ODAD3: variants seen among roughly 807,000 people sequenced by gnomAD.
ODAD3 encodes outer dynein arm-docking complex subunit 3.
A neutral mutation model predicts 70.9 loss-of-function variants in ODAD3; 57 were observed. That is an observed-to-expected ratio of 0.80 (90% CI 0.65 to 1.00). The LOEUF (loss-of-function observed/expected upper bound fraction) is 1.00. Among genes scored for constraint, ODAD3 ranks in the 50% least tolerant of loss-of-function variants. ODAD3 has a pLI of 0.00. For synonymous variants in ODAD3, 327 were observed against 315.9 expected (o/e 1.04, Z -0.37); for missense variants, 797 against 763.9 (o/e 1.04, Z -0.51).
Position 11,423,929 on chromosome 19 carries a change from A to G in ODAD3, c.1064T>C (p.Met355Thr), listed in dbSNP as rs769084446. Residue 355 changes from methionine to threonine, a missense_variant, in exon 8 of 13, where the codon ATG becomes ACG. Physicochemically the swap from Met to Thr is moderately conservative, Grantham distance 81. Transcript: ENST00000356392. ...ELRQRWSMYQMEVIFGKVKDA... is the reference protein window; with the variant it reads ...ELRQRWSMYQTEVIFGKVKDA... ...CTTGACCTTGCCAAAGATCACCTCC[A>G]TCTGGTACATGCTCCAGCGCTGCCG... 7 of 1,613,328 alleles carry G rather than the reference A, an allele frequency of 4.3e-6. No individual in the cohort carries two copies. The highest frequency in any genetic ancestry group is 5.1e-6 in the Non-Finnish European group (6 of 1,179,946).
upstream of ODAD3, chr19:11,435,753 G>T: frequency 1.5e-6 from 2 of 1,366,776 alleles, no homozygotes; most frequent in Non-Finnish European, 1.9e-6. Flanking sequence ...TTCTTACAGG[G>T]GGCAACCGGA....
At chr19:11,425,755 T>C (rs501257) in intron 7 of ODAD3, among the ~76,000 whole-genome samples, 43,557 of 146,554 alleles carry the variant, frequency 0.3, 11,194 homozygotes, top group African/African-American at 0.7. Context: ...GAGGGCTGGA[T>C]GGGAGGCAGC....
chr19:11,421,785 G>A lies in ODAD3; in HGVS notation c.1482C>T (p.Asn494=). 3 of 1,613,360 alleles carry A rather than the reference G, an allele frequency of 1.9e-6. No homozygotes were observed. The highest frequency in any genetic ancestry group is 2.5e-6 in the Non-Finnish European group (3 of 1,179,984). The change falls in exon 11 of 13, where the codon AAC becomes AAT. Residue 494 remains asparagine, a synonymous_variant. Transcript: ENST00000356392. ...CGAGGCCCAGCAGGTTTGGCACATA[G>A]TTATCTGCCTGGGGATCCAGCTCCT... ...AGKELDPQAD[N]YVPNLLGLVE...
chr19:11,420,849 A>T lies in ODAD3; in HGVS notation c.1774T>A (p.Ser592Thr). ...TCAGGACGAGTCTAGGACCTCCGAG[A>T]GCGACGGTGCTTCTTGTGACTTTCG... Reference protein sequence around the residue: ...LIESHKKHRRSRRS With the variant: ...LIESHKKHRRTRRS Residue 592 changes from serine (S) to threonine (T), a missense_variant, in exon 13 of 13, where the codon TCT becomes ACT. Transcript: ENST00000356392. 6.2e-7 allele frequency: 1 copy of T among 1,613,568 alleles called. No individual in the cohort carries two copies. The highest frequency in any genetic ancestry group is 8.5e-7 in the Non-Finnish European group (1 of 1,179,910).
Position 11,420,730 on chromosome 19 carries a change from G to A in ODAD3, c.*105C>T, listed in dbSNP as rs887283702. The stretch of plus-strand genomic sequence containing the variant: ...GGCGCCGCTGGCCGCCTCCGTTCCC[G>A]GTCCGGGCCGCGTTCAGCCCCTGAA... On this transcript the variant is annotated 3_prime_UTR_variant, in exon 13 of 13. Coordinates refer to ENST00000356392, the MANE Select transcript of ODAD3 (RefSeq NM_145045.5). 9 of 979,326 alleles carry A rather than the reference G, an allele frequency of 9.2e-6. No individual in the cohort carries two copies. Among genetic ancestry groups the A allele is most frequent in the African/African-American group, 3.2e-5 (2 of 61,928 alleles). The allele number at this position is 979,326 out of a possible 1,614,324, so 60.7% of individuals were successfully genotyped here.
In ODAD3 at chr19:11,422,408, T is replaced by G. The variant is rs1969159239; in HGVS notation, c.1434+63A>C. On this transcript the variant is annotated intron_variant, in intron 10 of 12. Transcript: ENST00000356392. This position sits in a 1 kb window ranked among gnomAD's most constrained non-coding sequence, Gnocchi z 4.6. Reference sequence around the variant, plus strand: ...CAAGCTGGTGTGGCAGGAACCCCGCTTCGTGGCTGCGCCTCTGCGGTCCCA... The same window carrying G: ...CAAGCTGGTGTGGCAGGAACCCCGCGTCGTGGCTGCGCCTCTGCGGTCCCA... 2.7e-6 allele frequency: 4 copies of G among 1,464,138 alleles called. No homozygotes were observed. The highest frequency in any genetic ancestry group is 3.6e-6 in the Non-Finnish European group (4 of 1,103,814). 90.7% of individuals were successfully genotyped at this position (1,464,138 alleles called of 1,614,324 possible).
rs1459718489 is a variant in ODAD3, at chr19:11,426,585, G to C, written c.715-14C>G. 1 of 1,613,888 alleles carries C rather than the reference G, an allele frequency of 6.2e-7. No individual in the cohort carries two copies. Among genetic ancestry groups the C allele is most frequent in the African/African-American group, 1.3e-5 (1 of 74,878 alleles). ...GAGGCTCTCGTCCTGGGGCGTGGTG[G>C]GGAGGGGTAGCGGAGATGGTGCAGG... On this transcript the variant is annotated splice_polypyrimidine_tract_variant and intron_variant, in intron 5 of 12. Transcript: ENST00000356392.
At chr19:11,421,307 T>A in intron 11 of ODAD3, 95 bp from the exon 12 acceptor site, 1 of 1,175,972 alleles carries the variant, frequency 8.5e-7, no homozygotes, top group Non-Finnish European at 1.2e-6. Context: ...TTCCGAGATA[T>A]GCCCTAGTTC....
rs1274389513 is a variant in ODAD3 at position 11,424,596 on chromosome 19, AATAT to A, written c.964-571_964-568del. On this transcript the variant is annotated intron_variant, in intron 7 of 12. Transcript: ENST00000356392. ...ATGTGTATATATACCTATGTGTATA[AATAT>A]ATATGTGTATATATACCTATGTGTA... Among the ~76,000 whole-genome samples the A allele has an allele frequency of 4.1e-5, 4 of 97,532 alleles. No individual in the cohort carries two copies. The East Asian group carries it at 9.2e-4, about 22-fold the overall frequency. The allele number at this position is 97,532 out of a possible 152,430, so 64.0% of individuals were successfully genotyped here.
In ODAD3 at chr19:11,424,521, ATGTATATATGTATATATG is replaced by A. The variant is rs1195606098; in HGVS notation, c.964-510_964-493del. On this transcript the variant is annotated intron_variant, in intron 7 of 12. Transcript: ENST00000356392. ...TATATATATGTATATATGTATATAT[ATGTATATATGTATATATG>A]TGTATATATACCTATGTGTATATAT... is the stretch of plus-strand genomic sequence containing the variant. 5.1e-4 allele frequency among the ~76,000 whole-genome samples: 71 copies of A among 138,492 alleles called. 2 individuals are homozygous for A. Among genetic ancestry groups the A allele is most frequent in the African/African-American group, 2.2e-3 (70 of 32,238 alleles). 90.9% of individuals were successfully genotyped at this position (138,492 alleles called of 152,430 possible).
intron 1 of ODAD3, among the ~76,000 whole-genome samples, chr19:11,434,222 A>AC (rs1448842449): frequency 4.7e-5 from 7 of 147,582 alleles, no homozygotes; most frequent in African/African-American, 1.8e-4. Context: ...CAAAAAACAA[A>AC]AAACAAAACA....
At chr19:11,428,506 G>C (rs1300292378) in intron 3 of ODAD3, among the ~76,000 whole-genome samples, 2 of 152,148 alleles carry the variant, frequency 1.3e-5, no homozygotes, top group African/African-American at 4.8e-5. Flanking sequence ...GCCTCCCAAA[G>C]TACTAGGATT....
intron 7 of ODAD3, among the ~76,000 whole-genome samples, chr19:11,424,899 A>G (rs2056080590): frequency 8.4e-6 from 1 of 118,812 alleles, no homozygotes; most frequent in South Asian, 2.4e-4. Flanking sequence ...CTATGTGTAT[A>G]TATGTATATA....
At chr19:11,423,084 A>G (rs1442678203) in intron 8 of ODAD3, among the ~76,000 whole-genome samples, 3 of 152,210 alleles carry the variant, frequency 2.0e-5, no homozygotes, top group Admixed American at 2.0e-4. Flanking sequence ...GGCCTATATA[A>G]GGAATTTGAG....
Position 11,422,349 on chromosome 19 carries a change from G to T in ODAD3, c.1434+122C>A. The T allele has an allele frequency of 3.2e-6, 4 of 1,244,874 alleles. No homozygotes were observed. In the South Asian group the frequency reaches 6.3e-5, roughly 20 times the overall value. 77.1% of individuals were successfully genotyped at this position (1,244,874 alleles called of 1,614,324 possible). ...CTGTGGGCGGGGCCTCTGACGTCCGGGACAGAGGATGTGGCAGGCCACGTT... is the reference window on the plus strand; with the variant it reads ...CTGTGGGCGGGGCCTCTGACGTCCGTGACAGAGGATGTGGCAGGCCACGTT... On this transcript the variant is annotated intron_variant, in intron 10 of 12. Coordinates refer to ENST00000356392, the MANE Select transcript of ODAD3 (RefSeq NM_145045.5). The surrounding 1 kb of genome is among the most constrained non-coding windows in gnomAD (Gnocchi z 4.6).
At position 11,427,031 on chromosome 19, in the gene ODAD3, G is replaced by T; in HGVS notation, c.454C>A (p.His152Asn). 1 of 1,585,588 alleles carries T rather than the reference G, an allele frequency of 6.3e-7. No homozygotes were observed. Among genetic ancestry groups the T allele is most frequent in the Non-Finnish European group, 8.5e-7 (1 of 1,171,682 alleles). ...TTCTCCCTCAGCCGGTGGTCTAGGT[G>T]CTCCAGGGCCTGCCGCAAGGAGGGG... The part of the protein sequence containing the change: ...LKNRTGQALE[H>N]LDHRLREKVK... Residue 152 changes from histidine to asparagine, a missense_variant, in exon 4 of 13, where the codon CAC (histidine) becomes AAC (asparagine). Physicochemically the swap from His to Asn is moderately conservative, Grantham distance 68 (BLOSUM62 1). Coordinates refer to ENST00000356392, the MANE Select transcript of ODAD3 (RefSeq NM_145045.5).
In ODAD3 at chr19:11,435,088, C is replaced by G; in HGVS notation, c.-72G>C. 1 of 1,521,708 alleles carries G rather than the reference C, an allele frequency of 6.6e-7. No homozygotes were observed. The highest frequency in any genetic ancestry group is 1.2e-5 in the South Asian group (1 of 82,242). The allele number at this position is 1,521,708 out of a possible 1,614,324, so 94.3% of individuals were successfully genotyped here. A position where few individuals can be genotyped will look rare whatever the true frequency, so the allele number is the denominator to read the frequency against. ...GAGTCAGTCGCCCCTGTCAGGGATC[C>G]GTCAGCTCGGATTCCTAGGGCTCTG... On this transcript the variant is annotated 5_prime_UTR_variant, in exon 1 of 13. Transcript: ENST00000356392.
chr19:11,427,772 T>G (rs1256375270), intron 3 of ODAD3, among the ~76,000 whole-genome samples: 1 of 149,320 alleles, frequency 6.7e-6, no homozygotes, highest in Non-Finnish European at 1.5e-5. Context: ...GTGAGCCACC[T>G]CACCCAGCTA....
intron 4 of ODAD3, 37 bp downstream of exon 4, chr19:11,426,836 C>T: frequency 6.2e-7 from 1 of 1,612,760 alleles, no homozygotes; most frequent in Non-Finnish European, 8.5e-7. Context: ...ATCCCTCCCA[C>T]ACGACCCTCT....
Sources: gnomAD v4.1 joint callset for allele counts (sites outside exome capture counted in the v4.1 genomes callset) on GRCh38, gnomAD v4.1.1 for gene constraint, Gnocchi (gnomAD v3.1) non-coding constraint, MANE v1.5 for transcripts, NCBI Gene and HGNC (gene_info 2026-07-23, HGNC 2026-07-21) for gene names.